CADM2: variants seen among roughly 807,000 people sequenced by gnomAD.
CADM2 encodes immunoglobulin superfamily member 4D.
Under a neutral mutation model 49.8 loss-of-function variants are expected in CADM2, and 12 were observed. The ratio of observed to expected loss-of-function variants is 0.24; its 90% CI spans 0.15 to 0.39. The LOEUF (loss-of-function observed/expected upper bound fraction) is 0.39. Ranked by LOEUF, CADM2 falls within the 10% of genes least tolerant of loss-of-function variation. The pLI is 1.00. For synonymous variants in CADM2, 214 were observed against 175.4 expected (o/e 1.22, Z -1.74); for missense variants, 378 against 492.3 (o/e 0.77, Z 2.20).
intron 1 of CADM2, among the ~76,000 whole-genome samples, chr3:85,127,257 A>G (rs551650073): frequency 2.6e-4 from 39 of 152,338 alleles, no homozygotes; most frequent in African/African-American, 9.1e-4. Context: ...CCTTTGAATA[A>G]TACTGTGCTT....
intron 1 of CADM2, among the ~76,000 whole-genome samples, chr3:84,974,798 T>C (rs939918794): frequency 1.3e-5 from 2 of 151,994 alleles, no homozygotes; most frequent in Admixed American, 1.3e-4. Context: ...CTGTAACATT[T>C]AAGATAATAT....
chr3:85,373,417 T>TTA (rs2033392639), intron 1 of CADM2, among the ~76,000 whole-genome samples: 1 of 152,086 alleles, frequency 6.6e-6, no homozygotes, highest in African/African-American at 2.4e-5. Flanking sequence ...CCCTATGACT[T>TTA]TACAGGGTAT....
chr3:85,551,793 T>C (rs2061808803), intron 1 of CADM2, among the ~76,000 whole-genome samples: 1 of 152,158 alleles, frequency 6.6e-6, no homozygotes, highest in South Asian at 2.1e-4. Flanking sequence ...TCCTACTGGG[T>C]ATATAATTTC....
At chr3:85,747,983 A>G (rs760704347) in intron 2 of CADM2, among the ~76,000 whole-genome samples, 1 of 152,122 alleles carries the variant, frequency 6.6e-6, no homozygotes, top group Non-Finnish European at 1.5e-5. Flanking sequence ...AGTTTCCTCT[A>G]TAAGCTGCTA....
chr3:85,814,368 T>C (rs1201238405), intron 3 of CADM2, among the ~76,000 whole-genome samples: 1 of 152,088 alleles, frequency 6.6e-6, no homozygotes, highest in African/African-American at 2.4e-5. Context: ...ATAGGAATGC[T>C]TGTGATTTTC....
chr3:85,142,658 G>T (rs2039612707), intron 1 of CADM2, among the ~76,000 whole-genome samples: 1 of 152,176 alleles, frequency 6.6e-6, no homozygotes, highest in Non-Finnish European at 1.5e-5. Context: ...AGGATAAATT[G>T]CAACAAATTT....
intron 1 of CADM2, among the ~76,000 whole-genome samples, chr3:85,300,128 C>T (rs2044058955): frequency 6.6e-6 from 1 of 152,014 alleles, no homozygotes; most frequent in Non-Finnish European, 1.5e-5. Flanking sequence ...GCTTATGGCT[C>T]CCAAGCATTT....
chr3:85,495,697 T>C (rs764638860), intron 1 of CADM2, among the ~76,000 whole-genome samples: 15 of 151,842 alleles, frequency 9.9e-5, no homozygotes, highest in Non-Finnish European at 1.8e-4. Flanking sequence ...TGCAGGAGGC[T>C]TACAGTCAAT....
At chr3:85,967,087 T>C (rs1725569624) in intron 8 of CADM2, among the ~76,000 whole-genome samples, 9 of 151,666 alleles carry the variant, frequency 5.9e-5, no homozygotes. Context: ...TTGTTAATAA[T>C]AAATGTCAAA....
At chr3:85,671,023 T>G (rs938058120) in intron 1 of CADM2, among the ~76,000 whole-genome samples, 1 of 152,194 alleles carries the variant, frequency 6.6e-6, no homozygotes, top group Non-Finnish European at 1.5e-5. Flanking sequence ...TTTTTCCAAC[T>G]AGTCCATTTA....
intron 1 of CADM2, among the ~76,000 whole-genome samples, chr3:85,309,035 A>T (rs1293938567): frequency 6.6e-6 from 1 of 152,104 alleles, no homozygotes; most frequent in Non-Finnish European, 1.5e-5. Context: ...AAGAGCCCAA[A>T]TTAAGCTCTT....
chr3:85,375,758 T>C (rs1238159297), intron 1 of CADM2, among the ~76,000 whole-genome samples: 1 of 152,222 alleles, frequency 6.6e-6, no homozygotes, highest in Non-Finnish European at 1.5e-5. Context: ...AATATTTTCA[T>C]GACTTGGTTC....
At chr3:85,448,257 C>T (rs2037565682) in intron 1 of CADM2, among the ~76,000 whole-genome samples, 1 of 149,154 alleles carries the variant, frequency 6.7e-6, no homozygotes, top group Non-Finnish European at 1.5e-5. Context: ...GGCGAGAACC[C>T]GGAAGGCGGA....
intron 1 of CADM2, among the ~76,000 whole-genome samples, chr3:85,129,098 G>A (rs1039758014): frequency 3.9e-5 from 6 of 152,024 alleles, no homozygotes; most frequent in East Asian, 1.9e-4. Context: ...TATTGCAGTC[G>A]TGGCACTGAA....
At chr3:85,592,627 A>G (rs1048939317) in intron 1 of CADM2, among the ~76,000 whole-genome samples, 1 of 151,924 alleles carries the variant, frequency 6.6e-6, no homozygotes, top group African/African-American at 2.4e-5. Context: ...GGTGAGTATG[A>G]TAGTCTCATA....
intron 1 of CADM2, among the ~76,000 whole-genome samples, chr3:85,515,908 G>A (rs1332365183): frequency 1.3e-5 from 2 of 151,962 alleles, no homozygotes; most frequent in African/African-American, 2.4e-5. Flanking sequence ...AATTAAATAA[G>A]GCAATTTAGC....
chr3:85,717,186 T>C (rs1559611005), intron 1 of CADM2, among the ~76,000 whole-genome samples: 2 of 152,186 alleles, frequency 1.3e-5, no homozygotes, highest in Non-Finnish European at 1.5e-5. Context: ...CAGTGGTTTG[T>C]AGTTCTCCTT....
intron 2 of CADM2, among the ~76,000 whole-genome samples, chr3:85,752,474 A>G (rs1417643187): frequency 3.9e-5 from 4 of 103,664 alleles, no homozygotes; most frequent in South Asian, 3.3e-4. Flanking sequence ...GTGTGCGTGC[A>G]CACACACACA....
intron 7 of CADM2, among the ~76,000 whole-genome samples, chr3:85,955,794 CAA>C (rs1447308386): frequency 6.6e-6 from 1 of 151,288 alleles, no homozygotes; most frequent in African/African-American, 2.4e-5. Context: ...ATGTAGAAAA[CAA>C]AACACCGAGT....
Sources: gnomAD v4.1 joint callset for allele counts (sites outside exome capture counted in the v4.1 genomes callset) on GRCh38, gnomAD v4.1.1 for gene constraint, MANE v1.5 for transcripts, NCBI Gene and HGNC (gene_info 2026-07-23, HGNC 2026-07-21) for gene names.